The following GHR variants were observed in gnomAD, a reference collection of about 807,000 sequenced individuals.
The protein encoded by GHR is GH receptor.
A neutral mutation model predicts 67.1 loss-of-function variants in GHR; 35 were observed. That is an observed-to-expected ratio of 0.52 (90% confidence interval 0.40 to 0.69). The LOEUF (loss-of-function observed/expected upper bound fraction) is 0.69, where lower values mean the gene tolerates loss of function less well. GHR is among the 30% of genes least tolerant of loss of function. The pLI is 0.00. For synonymous variants in GHR, 272 were observed against 269.1 expected (o/e 1.01, Z -0.10); for missense variants, 792 against 764.6 (o/e 1.04, Z -0.42).
At chr5:42,506,132 C>T (rs1348463791) in intron 1 of GHR, among the ~76,000 whole-genome samples, 2 of 152,192 alleles carry the variant, frequency 1.3e-5, no homozygotes, top group Admixed American at 1.3e-4. Flanking sequence ...GCTGCATACT[C>T]AGTGAGACAG....
intron 2 of GHR, among the ~76,000 whole-genome samples, chr5:42,583,603 TC>T (rs1224265339): frequency 6.6e-6 from 1 of 152,152 alleles, no homozygotes; most frequent in African/African-American, 2.4e-5. Flanking sequence ...TAGGATGGCC[TC>T]CAGCTGTTTG....
At chr5:42,451,995 C>T (rs1057016334) in intron 1 of GHR, among the ~76,000 whole-genome samples, 1 of 152,052 alleles carries the variant, frequency 6.6e-6, no homozygotes, top group Non-Finnish European at 1.5e-5. Context: ...GCTTTATAGG[C>T]CCTGTGAGAT....
chr5:42,665,178 A>G (rs1192268990), intron 3 of GHR, among the ~76,000 whole-genome samples: 1 of 152,150 alleles, frequency 6.6e-6, no homozygotes, highest in Non-Finnish European at 1.5e-5. Flanking sequence ...ACCATTGTGG[A>G]AGTCAGTGTG....
At chr5:42,699,758 A>G in intron 5 of GHR, 66 bp from the exon 6 acceptor site, 1 of 996,290 alleles carries the variant, frequency 1.0e-6, no homozygotes, top group South Asian at 1.3e-5. Flanking sequence ...GTCTTCTGAG[A>G]AGAATGCCTT....
chr5:42,529,764 T>G (rs1391460573), intron 1 of GHR, among the ~76,000 whole-genome samples: 1 of 152,142 alleles, frequency 6.6e-6, no homozygotes, highest in East Asian at 1.9e-4. Flanking sequence ...TTTTATGAAG[T>G]AAATTTACTC....
chr5:42,482,595 C>G (rs998089506), intron 1 of GHR, among the ~76,000 whole-genome samples: 2 of 152,166 alleles, frequency 1.3e-5, no homozygotes, highest in African/African-American at 4.8e-5. Flanking sequence ...GCGCCCCTCC[C>G]CCAGCCTCGC....
At chr5:42,437,385 G>A (rs973568840) in intron 1 of GHR, among the ~76,000 whole-genome samples, 13 of 152,030 alleles carry the variant, frequency 8.6e-5, no homozygotes, top group African/African-American at 3.1e-4. Flanking sequence ...CAAGCCTCAG[G>A]GACTATTGGA....
At chr5:42,666,083 A>T (rs1755960926) in intron 3 of GHR, among the ~76,000 whole-genome samples, 1 of 152,058 alleles carries the variant, frequency 6.6e-6, no homozygotes, top group African/African-American at 2.4e-5. Context: ...CATGACATAC[A>T]ATTTGCCGAT....
At chr5:42,469,313 TGTA>T (rs1744892584) in intron 1 of GHR, among the ~76,000 whole-genome samples, 1 of 152,142 alleles carries the variant, frequency 6.6e-6, no homozygotes, top group African/African-American at 2.4e-5. Flanking sequence ...AAGGAGGAAG[TGTA>T]GTGGTGGGGT....
chr5:42,453,178 C>T (rs909523054), intron 1 of GHR, among the ~76,000 whole-genome samples: 6 of 151,878 alleles, frequency 4.0e-5, no homozygotes, highest in African/African-American at 1.5e-4. Context: ...ACAGAATCTT[C>T]CTGCACTGGT....
At chr5:42,626,271 G>A (rs1407075451) in intron 2 of GHR, among the ~76,000 whole-genome samples, 3 of 152,166 alleles carry the variant, frequency 2.0e-5, no homozygotes, top group East Asian at 1.9e-4. Flanking sequence ...CACTTCAGAT[G>A]CCAACTGCAA....
At chr5:42,641,732 A>G (rs1373443949) in intron 3 of GHR, among the ~76,000 whole-genome samples, 1 of 152,196 alleles carries the variant, frequency 6.6e-6, no homozygotes, top group African/African-American at 2.4e-5. Flanking sequence ...TAACTTCCCT[A>G]AAATTTAGTT....
chr5:42,430,682 T>G (rs76346814), intron 1 of GHR, among the ~76,000 whole-genome samples: 3,278 of 151,506 alleles, frequency 0.022, 114 homozygotes, highest in African/African-American at 0.075. Flanking sequence ...TGGTCTCAAT[T>G]CATACACATT....
intron 3 of GHR, among the ~76,000 whole-genome samples, chr5:42,650,322 G>A (rs1754953219): frequency 6.6e-6 from 1 of 152,018 alleles, no homozygotes; most frequent in African/African-American, 2.4e-5. Context: ...TGAGGGATTT[G>A]CAAGCAAGGA....
chr5:42,689,083 C>T (rs970920780), intron 4 of GHR, 64 bp downstream of exon 4: 55 of 1,316,408 alleles, frequency 4.2e-5, no homozygotes, highest in Non-Finnish European at 5.4e-5. Context: ...TACACTGAGT[C>T]AGATGTACTG....
intron 3 of GHR, among the ~76,000 whole-genome samples, chr5:42,687,028 C>A (rs1041497559): frequency 6.6e-6 from 1 of 152,124 alleles, no homozygotes; most frequent in Non-Finnish European, 1.5e-5. Flanking sequence ...TTCCTATACA[C>A]CAGTAACAGA....
At chr5:42,627,694 G>GCCTTGGCC (rs1314730087) in intron 2 of GHR, among the ~76,000 whole-genome samples, 1 of 152,234 alleles carries the variant, frequency 6.6e-6, no homozygotes, top group African/African-American at 2.4e-5. Flanking sequence ...TGGGGCAAGT[G>GCCTTGGCC]CCTTGGCCCC....
chr5:42,618,830 G>T (rs1210752535), intron 2 of GHR, among the ~76,000 whole-genome samples: 1 of 152,084 alleles, frequency 6.6e-6, no homozygotes, highest in African/African-American at 2.4e-5. Flanking sequence ...GGTAGACAAA[G>T]ACCCAAGCAG....
At chr5:42,676,313 G>A (rs939819578) in intron 3 of GHR, among the ~76,000 whole-genome samples, 4 of 152,068 alleles carry the variant, frequency 2.6e-5, no homozygotes, top group African/African-American at 9.7e-5. Flanking sequence ...AATAGTTCAG[G>A]TGAGAACTTG....
Sources: allele counts gnomAD v4.1 joint callset (sites outside exome capture counted in the v4.1 genomes callset), GRCh38; gene constraint gnomAD v4.1.1; transcripts MANE v1.5; gene names NCBI Gene and HGNC (gene_info 2026-07-23, HGNC 2026-07-21).